NTM: variants seen among roughly 807,000 people sequenced by gnomAD.
The protein encoded by NTM is neurotrimin, also known as IgLON family member 2.
A neutral mutation model predicts 42.1 loss-of-function variants in NTM; 13 were observed. The observed-to-expected ratio is 0.31, with a 90% CI of 0.20 to 0.49. The LOEUF is 0.49. NTM is among the 20% of genes least tolerant of loss of function. NTM has a pLI of 0.99. For synonymous variants in NTM, 187 were observed against 179.2 expected (o/e 1.04, Z -0.35); for missense variants, 373 against 452.8 (o/e 0.82, Z 1.60).
chr11:131,517,985 G>A (rs931943739), intron 1 of NTM, among the ~76,000 whole-genome samples: 5 of 152,160 alleles, frequency 3.3e-5, no homozygotes, highest in African/African-American at 2.4e-5. Context: ...GTAACAATAG[G>A]TTATAATTAT....
At chr11:131,610,300 A>G (rs1372549432) in intron 1 of NTM, among the ~76,000 whole-genome samples, 1 of 152,220 alleles carries the variant, frequency 6.6e-6, no homozygotes, top group Non-Finnish European at 1.5e-5. Flanking sequence ...GGATTAAACC[A>G]TGGCAGGAAA....
intron 1 of NTM, among the ~76,000 whole-genome samples, chr11:131,425,784 G>C (rs1216214513): frequency 6.6e-6 from 1 of 152,122 alleles, no homozygotes; most frequent in African/African-American, 2.4e-5. Flanking sequence ...TAAAGAGTTT[G>C]GGGGTAGAAA....
chr11:131,893,420 A>G (rs74759342), intron 1 of NTM, among the ~76,000 whole-genome samples: 6,991 of 152,158 alleles, frequency 0.046, 529 homozygotes, highest in African/African-American at 0.16. Context: ...GTTGCAAAGA[A>G]TAGTGAAAGC....
At chr11:131,721,949 AGATCGTGCCATTGCACTCCAGCCAG>A (rs2078389340) in intron 1 of NTM, among the ~76,000 whole-genome samples, 1 of 139,974 alleles carries the variant, frequency 7.1e-6, no homozygotes, top group Non-Finnish European at 1.5e-5. Flanking sequence ...CAGTGAGCCG[AGATCGTGCCATTGCACTCCAGCCAG>A]GACAAGAGTG....
At chr11:132,111,544 C>T (rs958272269) in intron 2 of NTM, among the ~76,000 whole-genome samples, 4 of 152,104 alleles carry the variant, frequency 2.6e-5, no homozygotes, top group Admixed American at 6.5e-5. Context: ...AATTCCAATT[C>T]GTGATGCTGC....
chr11:131,990,379 T>G (rs1322045448), intron 2 of NTM, among the ~76,000 whole-genome samples: 1 of 152,184 alleles, frequency 6.6e-6, no homozygotes, highest in Non-Finnish European at 1.5e-5. Context: ...AAATTTTCGC[T>G]TAAATATTTC....
intron 2 of NTM, among the ~76,000 whole-genome samples, chr11:132,122,057 T>C (rs78162328): frequency 0.028 from 4,259 of 152,298 alleles, 81 homozygotes; most frequent in Middle Eastern, 0.11. Context: ...AAACTGCCTA[T>C]TAATTTGAAA....
At chr11:131,720,909 C>T (rs987569007) in intron 1 of NTM, among the ~76,000 whole-genome samples, 3 of 152,048 alleles carry the variant, frequency 2.0e-5, no homozygotes, top group African/African-American at 7.3e-5. Flanking sequence ...GGCTAAATGA[C>T]TAGAGAACTT....
At chr11:132,013,492 G>A (rs1469651688) in intron 2 of NTM, among the ~76,000 whole-genome samples, 1 of 152,114 alleles carries the variant, frequency 6.6e-6, no homozygotes, top group Non-Finnish European at 1.5e-5. Flanking sequence ...GTAGCTAGTG[G>A]AGGACTTGGG....
At chr11:131,770,932 G>C (rs558360831) in intron 1 of NTM, 1 of 152,154 alleles carries the variant, frequency 6.6e-6, no homozygotes, top group African/African-American at 2.4e-5. Flanking sequence ...TCTTTCTGCT[G>C]CTCTTCTGTG....
chr11:132,036,470 G>A (rs2076523847), intron 2 of NTM, among the ~76,000 whole-genome samples: 2 of 152,170 alleles, frequency 1.3e-5, no homozygotes, highest in Admixed American at 1.3e-4. Flanking sequence ...TGCAGTGGCT[G>A]TTGGAGAAAA....
At chr11:131,689,198 C>G (rs1215176274) in intron 1 of NTM, among the ~76,000 whole-genome samples, 1 of 152,204 alleles carries the variant, frequency 6.6e-6, no homozygotes, top group Admixed American at 6.5e-5. Flanking sequence ...CAGTGCACTG[C>G]CTGTGGCTCA....
chr11:131,378,572 C>A (rs1278139974), intron 1 of NTM, among the ~76,000 whole-genome samples: 2 of 152,146 alleles, frequency 1.3e-5, no homozygotes, highest in African/African-American at 4.8e-5. Context: ...ACCTATAAAG[C>A]ATCCTTAGAA....
chr11:131,901,916 T>G (rs942026100), intron 1 of NTM, among the ~76,000 whole-genome samples: 1 of 152,256 alleles, frequency 6.6e-6, no homozygotes, highest in Non-Finnish European at 1.5e-5. Flanking sequence ...AGTTTTGTGC[T>G]AAGCTAGTGA....
intron 2 of NTM, among the ~76,000 whole-genome samples, chr11:131,984,069 G>C (rs542902103): frequency 6.6e-6 from 1 of 152,184 alleles, no homozygotes; most frequent in Non-Finnish European, 1.5e-5. Flanking sequence ...ACAGATTTTG[G>C]TGTACAGGTA....
intron 1 of NTM, among the ~76,000 whole-genome samples, chr11:131,476,756 T>C (rs905073500): frequency 4.0e-5 from 6 of 149,040 alleles, no homozygotes; most frequent in Admixed American, 1.4e-4. Context: ...ACACTTCCCC[T>C]GCCCACCCCA....
chr11:131,784,654 A>G (rs1169835235), intron 1 of NTM, among the ~76,000 whole-genome samples: 1 of 152,198 alleles, frequency 6.6e-6, no homozygotes, highest in Non-Finnish European at 1.5e-5. Flanking sequence ...AGAATGTTCA[A>G]CAGTGGTGAT....
chr11:131,825,785 G>T (rs1054244586), intron 1 of NTM, among the ~76,000 whole-genome samples: 1 of 152,098 alleles, frequency 6.6e-6, no homozygotes, highest in African/African-American at 2.4e-5. Flanking sequence ...GATGACAACT[G>T]GATGGAAAGT....
chr11:131,936,424 G>T (rs2059223590), intron 2 of NTM, among the ~76,000 whole-genome samples: 2 of 152,068 alleles, frequency 1.3e-5, no homozygotes. Flanking sequence ...ACTAAATTCT[G>T]GGTTACCAAA....
Sources: allele counts gnomAD v4.1 joint callset (sites outside exome capture counted in the v4.1 genomes callset), GRCh38; gene constraint gnomAD v4.1.1; transcripts MANE v1.5; gene names NCBI Gene and HGNC (gene_info 2026-07-23, HGNC 2026-07-21).